The following CCDC192 variants were observed in gnomAD, a reference collection of about 807,000 sequenced individuals.
The protein encoded by CCDC192 is coiled-coil domain containing 192.
intron 5 of CCDC192, among the ~76,000 whole-genome samples, chr5:127,830,128 T>C (rs1042432391): frequency 6.6e-6 from 1 of 151,848 alleles, no homozygotes; most frequent in African/African-American, 2.4e-5. Flanking sequence ...AGTGCAAGGC[T>C]CACATGCAAA....
upstream of CCDC192, among the ~76,000 whole-genome samples, chr5:127,702,928 C>A (rs1364726779): frequency 6.6e-6 from 1 of 152,206 alleles, no homozygotes; most frequent in Non-Finnish European, 1.5e-5. Context: ...CTTGTGCAAT[C>A]CTGTGTTAGG....
intron 6 of CCDC192, among the ~76,000 whole-genome samples, chr5:127,907,108 C>A (rs75213456): frequency 0.011 from 1,635 of 151,992 alleles, 19 homozygotes; most frequent in South Asian, 0.053. Flanking sequence ...TTGAAAAAAA[C>A]CACATCTTTA....
At chr5:127,938,108 T>A (rs1293136466) in intron 6 of CCDC192, among the ~76,000 whole-genome samples, 1 of 152,096 alleles carries the variant, frequency 6.6e-6, no homozygotes. Flanking sequence ...CTACTCCTGA[T>A]GAAACTCACT....
At chr5:127,741,990 C>G (rs140764152) in intron 2 of CCDC192, among the ~76,000 whole-genome samples, 1,967 of 152,224 alleles carry the variant, frequency 0.013, 103 homozygotes, top group Admixed American at 0.095. Context: ...ACATTCTTTT[C>G]ATTTTTACAT....
chr5:127,836,571 A>G (rs1750046713), intron 5 of CCDC192, among the ~76,000 whole-genome samples: 1 of 152,214 alleles, frequency 6.6e-6, no homozygotes, highest in Non-Finnish European at 1.5e-5. Flanking sequence ...ACATCCAGGC[A>G]TTTTCATACC....
At chr5:127,914,276 C>T (rs1753455664) in intron 6 of CCDC192, among the ~76,000 whole-genome samples, 1 of 152,142 alleles carries the variant, frequency 6.6e-6, no homozygotes, top group Non-Finnish European at 1.5e-5. Context: ...TTCTTCTATA[C>T]TGTCTGCCCT....
At chr5:127,927,380 A>C (rs1467489953) in intron 6 of CCDC192, among the ~76,000 whole-genome samples, 1 of 152,138 alleles carries the variant, frequency 6.6e-6, no homozygotes, top group African/African-American at 2.4e-5. Context: ...AAAACATAGT[A>C]TATATGAGGT....
upstream of CCDC192, among the ~76,000 whole-genome samples, chr5:127,702,446 G>GT (rs754587783): frequency 8.6e-4 from 131 of 151,956 alleles, no homozygotes; most frequent in Middle Eastern, 6.8e-3. Flanking sequence ...TATTCATAGG[G>GT]TTTTTTTTAC....
intron 5 of CCDC192, among the ~76,000 whole-genome samples, chr5:127,802,137 T>C (rs1247235190): frequency 6.6e-6 from 1 of 152,234 alleles, no homozygotes; most frequent in Non-Finnish European, 1.5e-5. Context: ...CTACACTTTG[T>C]TGACATTATC....
intron 5 of CCDC192, among the ~76,000 whole-genome samples, chr5:127,798,755 T>C (rs770214713): frequency 6.0e-5 from 9 of 150,538 alleles, no homozygotes; most frequent in Non-Finnish European, 8.9e-5. Flanking sequence ...TAATATATAT[T>C]ATTAACATTA....
intron 2 of CCDC192, among the ~76,000 whole-genome samples, chr5:127,736,355 A>G (rs1284497402): frequency 1.3e-5 from 2 of 149,116 alleles, no homozygotes; most frequent in Admixed American, 1.3e-4. Context: ...GGATTTTTGC[A>G]TCAATGTTCA....
intron 6 of CCDC192, among the ~76,000 whole-genome samples, chr5:127,917,433 T>C (rs1318993464): frequency 6.6e-6 from 1 of 152,258 alleles, no homozygotes; most frequent in Non-Finnish European, 1.5e-5. Flanking sequence ...TGGCCTACCT[T>C]GGCTTTCAGC....
At chr5:127,719,524 T>TATATATAC (rs1561444898) in intron 2 of CCDC192, among the ~76,000 whole-genome samples, 39 of 88,238 alleles carry the variant, frequency 4.4e-4, no homozygotes, top group African/African-American at 1.8e-3. Flanking sequence ...TATATATATA[T>TATATATAC]ACACACATAC....
At chr5:127,856,097 T>C (rs1471040846) in intron 5 of CCDC192, among the ~76,000 whole-genome samples, 1 of 152,232 alleles carries the variant, frequency 6.6e-6, no homozygotes, top group Non-Finnish European at 1.5e-5. Context: ...CTAGATGGCA[T>C]CTTCTTCCAG....
At chr5:127,913,581 G>C (rs1753435663) in intron 6 of CCDC192, among the ~76,000 whole-genome samples, 1 of 152,186 alleles carries the variant, frequency 6.6e-6, no homozygotes, top group Admixed American at 6.5e-5. Flanking sequence ...TGATGTGGAG[G>C]TCAAGTCTAT....
At chr5:127,858,817 G>A (rs1193589403) in intron 5 of CCDC192, among the ~76,000 whole-genome samples, 1 of 152,168 alleles carries the variant, frequency 6.6e-6, no homozygotes, top group Admixed American at 6.5e-5. Flanking sequence ...TACACAATTT[G>A]CAGCTGTATT....
At chr5:127,757,128 C>T (rs1326406577) in intron 3 of CCDC192, among the ~76,000 whole-genome samples, 2 of 152,204 alleles carry the variant, frequency 1.3e-5, no homozygotes, top group Non-Finnish European at 2.9e-5. Flanking sequence ...CAGAGCTTCT[C>T]TACCCAAGTA....
chr5:127,759,355 A>G (rs1354758145), intron 3 of CCDC192, among the ~76,000 whole-genome samples: 1 of 152,188 alleles, frequency 6.6e-6, no homozygotes. Context: ...TTGGTGGATG[A>G]TAAGTTCTTG....
intron 6 of CCDC192, among the ~76,000 whole-genome samples, chr5:127,882,709 A>G (rs1752407142): frequency 6.6e-6 from 1 of 152,232 alleles, no homozygotes; most frequent in South Asian, 2.1e-4. Context: ...TATTTTAAAG[A>G]AAGTGCGTTG....
Sources: gnomAD v4.1 joint callset for allele counts (sites outside exome capture counted in the v4.1 genomes callset) on GRCh38, gnomAD v4.1.1 for gene constraint, MANE v1.5 for transcripts, NCBI Gene and HGNC (gene_info 2026-07-23, HGNC 2026-07-21) for gene names.